SETD2: variants seen among roughly 807,000 people sequenced by gnomAD.
SETD2 encodes the protein SET domain containing 2, histone lysine methyltransferase, also known as histone-lysine N-methyltransferase SETD2.
A neutral mutation model predicts 242.1 loss-of-function variants in SETD2; 31 were observed. The ratio of observed to expected loss-of-function variants is 0.13; its 90% CI spans 0.10 to 0.17. The LOEUF (loss-of-function observed/expected upper bound fraction) is 0.17. Ranked by LOEUF, SETD2 falls within the 10% of genes least tolerant of loss-of-function variation. The probability of loss-of-function intolerance (pLI) is 1.00; values close to 1 mark genes in which losing one functional copy is unlikely to be tolerated. For missense variants in SETD2, 2,481 were observed against 3,046.3 expected (o/e 0.81, Z 4.37); for synonymous variants, 1,006 against 1,066.5 (o/e 0.94, Z 1.11).
chr3:47,134,300 T>G (rs1221594189), intron 1 of SETD2, among the ~76,000 whole-genome samples: 1 of 152,208 alleles, frequency 6.6e-6, no homozygotes, highest in Non-Finnish European at 1.5e-5. Context: ...GTTTTGACAT[T>G]TATACATTTA....
chr3:47,062,378 T>G (rs2040375643), intron 13 of SETD2, 32 bp from the exon 14 acceptor site: 3 of 1,556,106 alleles, frequency 1.9e-6, no homozygotes, highest in African/African-American at 2.8e-5. Flanking sequence ...TTTGTTTTTT[T>G]TTTTTTTAAG....
intron 6 of SETD2, among the ~76,000 whole-genome samples, chr3:47,105,493 CAT>C (rs764918895): frequency 6.6e-6 from 1 of 151,040 alleles, no homozygotes; most frequent in South Asian, 2.1e-4. Flanking sequence ...TTTATCTTTA[CAT>C]ATATATATGT....
intron 1 of SETD2, among the ~76,000 whole-genome samples, chr3:47,151,782 G>A (rs1015163727): frequency 1.4e-5 from 2 of 146,236 alleles, no homozygotes; most frequent in African/African-American, 2.6e-5. Context: ...AGCCAAGATC[G>A]CACCACTGCA....
intron 1 of SETD2, among the ~76,000 whole-genome samples, chr3:47,127,259 G>A (rs1272681310): frequency 1.3e-5 from 2 of 151,792 alleles, no homozygotes; most frequent in African/African-American, 4.8e-5. Flanking sequence ...CTGGGAGGCT[G>A]AGGTGGGAGG....
rs377066147 is a variant in SETD2, at chr3:47,057,098, A to C, written c.6686T>G (p.Val2229Gly). 1.0e-3 allele frequency: 1,622 copies of C among 1,614,242 alleles called. 39 individuals are homozygous for C. In the South Asian group the frequency reaches 0.017, roughly 17 times the overall value. The change falls in exon 15 of 21, where the codon GTG becomes GGG. Residue 2229 changes from valine to glycine, a missense_variant. Val to Gly is a moderately radical substitution (Grantham distance 109, BLOSUM62 -3). Transcript: ENST00000409792. ...ACTGGAAACTTCCACAGGAGCTGCC[A>C]CATGTGGCACCACTGGTACTGGTGG... ...APPPVPVVPH[V>G]AAPVEVSSSQ...
chr3:47,068,510 T>C (rs2040667258), intron 12 of SETD2, among the ~76,000 whole-genome samples: 1 of 150,222 alleles, frequency 6.7e-6, no homozygotes, highest in Non-Finnish European at 1.5e-5. Flanking sequence ...TTTTTTTTTT[T>C]TTTTGAGACG....
intron 12 of SETD2, among the ~76,000 whole-genome samples, chr3:47,069,718 A>G (rs2040734997): frequency 6.6e-6 from 1 of 152,134 alleles, no homozygotes; most frequent in Admixed American, 6.6e-5. Context: ...ACTATGAGGG[A>G]CATCTGAAGT....
At chr3:47,063,093 C>T (rs1393801637) in intron 13 of SETD2, among the ~76,000 whole-genome samples, 1 of 152,184 alleles carries the variant, frequency 6.6e-6, no homozygotes, top group Non-Finnish European at 1.5e-5. Context: ...ACGGAACCCA[C>T]ATATACAAAA....
intron 18 of SETD2, among the ~76,000 whole-genome samples, chr3:47,033,521 G>C (rs911109109): frequency 6.6e-6 from 1 of 152,146 alleles, no homozygotes; most frequent in Non-Finnish European, 1.5e-5. Flanking sequence ...TAAGAACTGA[G>C]GGGGACTCAG....
At chr3:47,065,016 C>T (rs1035290736) in intron 13 of SETD2, among the ~76,000 whole-genome samples, 1 of 151,966 alleles carries the variant, frequency 6.6e-6, no homozygotes, top group African/African-American at 2.4e-5. Context: ...AAATATCTAG[C>T]CACACCAGAC....
intron 12 of SETD2, among the ~76,000 whole-genome samples, chr3:47,075,325 C>A (rs543852177): frequency 6.6e-6 from 1 of 151,790 alleles, no homozygotes; most frequent in African/African-American, 2.4e-5. Context: ...TTTGGGAAGC[C>A]GAGGTGGGCA....
intron 18 of SETD2, among the ~76,000 whole-genome samples, chr3:47,024,303 T>G (rs1406060604): frequency 6.6e-6 from 1 of 151,660 alleles, no homozygotes; most frequent in Non-Finnish European, 1.5e-5. Flanking sequence ...AAACACTGTC[T>G]CTACTAAAAA....
At chr3:47,067,407 T>C (rs1163927072) in intron 12 of SETD2, among the ~76,000 whole-genome samples, 1 of 46,672 alleles carries the variant, frequency 2.1e-5, no homozygotes, top group Non-Finnish European at 4.6e-5. Context: ...CCTGAGCATC[T>C]TTTTTTTTTT....
chr3:47,154,993 C>CA (rs202104622), intron 1 of SETD2, among the ~76,000 whole-genome samples: 7,631 of 139,850 alleles, frequency 0.055, 349 homozygotes, highest in East Asian at 0.14. Flanking sequence ...GACTCCATCT[C>CA]AAAAAAAAAA....
chr3:47,146,015 C>CAAAA (rs1171574770), intron 1 of SETD2, among the ~76,000 whole-genome samples: 1,941 of 38,622 alleles, frequency 0.05, 447 homozygotes, highest in Admixed American at 0.074. Context: ...GACCCTGTCT[C>CAAAA]AAAAAAAAAA....
intron 8 of SETD2, among the ~76,000 whole-genome samples, chr3:47,098,709 T>C (rs1351286316): frequency 2.6e-5 from 4 of 151,958 alleles, no homozygotes; most frequent in Non-Finnish European, 4.4e-5. Context: ...GGCATGAGAA[T>C]TGTTTGAATC....
At chr3:47,043,600 G>A (rs1315361991) in intron 16 of SETD2, among the ~76,000 whole-genome samples, 1 of 152,190 alleles carries the variant, frequency 6.6e-6, no homozygotes, top group Non-Finnish European at 1.5e-5. Flanking sequence ...GCCTATTAAT[G>A]AAGAATACAT....
intron 15 of SETD2, among the ~76,000 whole-genome samples, chr3:47,049,385 T>G (rs1397752683): frequency 7.1e-6 from 1 of 140,994 alleles, no homozygotes; most frequent in African/African-American, 2.6e-5. Flanking sequence ...TTTTTTTTTT[T>G]TTTTTGAGAC....
At chr3:47,151,617 C>T (rs762088848) in intron 1 of SETD2, among the ~76,000 whole-genome samples, 1 of 152,008 alleles carries the variant, frequency 6.6e-6, no homozygotes, top group Non-Finnish European at 1.5e-5. Flanking sequence ...CACCTGAGAT[C>T]GGGAGTTCGA....
Sources: gnomAD v4.1 joint callset for allele counts (sites outside exome capture counted in the v4.1 genomes callset) on GRCh38, gnomAD v4.1.1 for gene constraint, MANE v1.5 for transcripts, NCBI Gene and HGNC (gene_info 2026-07-23, HGNC 2026-07-21) for gene names.